PIK3C2G: variants seen among roughly 807,000 people sequenced by gnomAD.
The protein encoded by PIK3C2G is phosphatidylinositol-4-phosphate 3-kinase catalytic subunit type 2 gamma, also known as phosphatidylinositol 3-kinase C2 domain-containing subunit gamma.
In PIK3C2G, 168 loss-of-function variants were observed where a neutral mutation model predicts 181.1. The ratio of observed to expected loss-of-function variants is 0.93; its 90% confidence interval spans 0.82 to 1.05. The LOEUF is 1.05. Among genes scored for constraint, PIK3C2G ranks in the 50% least tolerant of loss-of-function variants. The pLI is 0.00. For missense variants in PIK3C2G, 1,869 were observed against 1,732.8 expected (o/e 1.08, Z -1.40); for synonymous variants, 573 against 592.2 (o/e 0.97, Z 0.47).
At chr12:18,316,008 A>G (rs142175040) in intron 6 of PIK3C2G, among the ~76,000 whole-genome samples, 1 of 152,116 alleles carries the variant, frequency 6.6e-6, no homozygotes, top group African/African-American at 2.4e-5. Context: ...ATATGGTTAT[A>G]TATTATATTA....
At chr12:18,311,025 G>T (rs910568892) in intron 5 of PIK3C2G, among the ~76,000 whole-genome samples, 5 of 151,824 alleles carry the variant, frequency 3.3e-5, no homozygotes, top group African/African-American at 1.2e-4. Context: ...GGAAAGGGAA[G>T]AATTTTTCTT....
intron 10 of PIK3C2G, among the ~76,000 whole-genome samples, chr12:18,345,755 A>T (rs528429722): frequency 5.9e-4 from 90 of 152,310 alleles, no homozygotes; most frequent in Admixed American, 1.4e-3. Flanking sequence ...AAGGTAACAA[A>T]CTGTGGAAAG....
chr12:18,300,454 G>GT (rs1370549754), intron 5 of PIK3C2G, among the ~76,000 whole-genome samples: 6 of 151,440 alleles, frequency 4.0e-5, no homozygotes, highest in Non-Finnish European at 7.4e-5. Context: ...CTTACTTTTG[G>GT]TTTCTGTTTA....
chr12:18,434,800 T>G (rs1423119247), intron 18 of PIK3C2G, among the ~76,000 whole-genome samples: 1 of 152,162 alleles, frequency 6.6e-6, no homozygotes, highest in African/African-American at 2.4e-5. Context: ...TATCCACCTT[T>G]CCACATATTA....
intron 15 of PIK3C2G, among the ~76,000 whole-genome samples, chr12:18,394,056 G>A (rs1352772645): frequency 6.6e-6 from 1 of 152,048 alleles, no homozygotes; most frequent in Non-Finnish European, 1.5e-5. Context: ...GCTTCAGGGA[G>A]ATGTAAAATA....
At chr12:18,580,971 G>A (rs1158244796) in intron 29 of PIK3C2G, among the ~76,000 whole-genome samples, 6 of 152,142 alleles carry the variant, frequency 3.9e-5, no homozygotes, top group Non-Finnish European at 8.8e-5. Flanking sequence ...TTTAGAGAAA[G>A]AAAAAATTGA....
At chr12:18,501,336 C>T (rs1941465495) in intron 22 of PIK3C2G, among the ~76,000 whole-genome samples, 2 of 152,132 alleles carry the variant, frequency 1.3e-5, no homozygotes, top group Admixed American at 1.3e-4. Flanking sequence ...AATGGGGTAC[C>T]TGCTAAACAT....
At chr12:18,667,535 A>G in the PIK3C2G span, among the ~76,000 whole-genome samples, 1 of 152,126 alleles carries the variant, frequency 6.6e-6, no homozygotes, top group Admixed American at 6.6e-5. Context: ...TTTTTAAAAC[A>G]TATTTAAGAC....
chr12:18,694,117 C>G, the PIK3C2G span: 1 of 960,226 alleles, frequency 1.0e-6, no homozygotes, highest in Non-Finnish European at 1.6e-6. Context: ...CGGCTGCCAT[C>G]AGGAAAATGG....
chr12:18,553,087 T>C (rs991244991), intron 26 of PIK3C2G, among the ~76,000 whole-genome samples: 1 of 152,042 alleles, frequency 6.6e-6, no homozygotes, highest in African/African-American at 2.4e-5. Context: ...TTAATCCCCA[T>C]TGATATTTCT....
At chr12:18,661,376 A>G in the PIK3C2G span, among the ~76,000 whole-genome samples, 146 of 151,424 alleles carry the variant, frequency 9.6e-4, no homozygotes, top group African/African-American at 3.3e-3. Context: ...AATAAAAAAA[A>G]AGAGAGAGAG....
the PIK3C2G span, chr12:18,701,718 T>C: frequency 2.5e-6 from 4 of 1,613,290 alleles, no homozygotes; most frequent in Non-Finnish European, 3.4e-6. Context: ...TTTTCTTTCA[T>C]GGGTTTCCTT....
At chr12:18,726,318 T>G in the PIK3C2G span, among the ~76,000 whole-genome samples, 1 of 152,208 alleles carries the variant, frequency 6.6e-6, no homozygotes, top group Non-Finnish European at 1.5e-5. Flanking sequence ...TAAAATCATT[T>G]GTCTCCTGTT....
chr12:18,411,198 G>A (rs1221715002), intron 16 of PIK3C2G, among the ~76,000 whole-genome samples: 4 of 152,098 alleles, frequency 2.6e-5, no homozygotes, highest in African/African-American at 7.2e-5. Flanking sequence ...ATAATCTTGT[G>A]ATTTTTGTAT....
intron 2 of PIK3C2G, 64 bp from the exon 3 acceptor site, chr12:18,286,783 T>C: frequency 1.1e-6 from 1 of 893,724 alleles, no homozygotes; most frequent in Admixed American, 2.9e-5. Flanking sequence ...CAGGATAAAA[T>C]TGTAGAATTA....
At chr12:18,697,209 A>C in the PIK3C2G span, among the ~76,000 whole-genome samples, 1 of 152,138 alleles carries the variant, frequency 6.6e-6, no homozygotes, top group Non-Finnish European at 1.5e-5. Context: ...TCATTTGCTA[A>C]ACCAACTAGA....
At chr12:18,342,376 A>T (rs562617365) in intron 9 of PIK3C2G, among the ~76,000 whole-genome samples, 24 of 152,190 alleles carry the variant, frequency 1.6e-4, no homozygotes, top group African/African-American at 5.8e-4. Flanking sequence ...TCTCTCTCTA[A>T]AGGAATACTG....
chr12:18,611,499 T>C (rs1948332859), intron 31 of PIK3C2G, among the ~76,000 whole-genome samples: 1 of 152,100 alleles, frequency 6.6e-6, no homozygotes. Flanking sequence ...TGTTTTTCTT[T>C]TCCAAATCTA....
intron 18 of PIK3C2G, among the ~76,000 whole-genome samples, chr12:18,434,990 G>GTT (rs568859815): frequency 3.5e-5 from 5 of 143,944 alleles, no homozygotes; most frequent in East Asian, 4.0e-4. Context: ...TTGTAACCAG[G>GTT]TTTTTTTTTT....
Sources: gnomAD v4.1 joint callset for allele counts (sites outside exome capture counted in the v4.1 genomes callset) on GRCh38, gnomAD v4.1.1 for gene constraint, MANE v1.5 for transcripts, NCBI Gene and HGNC (gene_info 2026-07-23, HGNC 2026-07-21) for gene names.